Variants in CARMIL1 observed in about 807,000 individuals in gnomAD.
CARMIL1 encodes the protein capping protein regulator and myosin 1 linker 1.
CARMIL1 carries 90 observed loss-of-function variants against 177.1 expected under a neutral mutation model. The observed-to-expected ratio is 0.51, with a 90% CI of 0.43 to 0.61. The LOEUF is 0.61. Among genes scored for constraint, CARMIL1 ranks in the 20% least tolerant of loss-of-function variants. The probability of loss-of-function intolerance (pLI) is 0.00; values close to 1 mark genes in which losing one functional copy is unlikely to be tolerated. For synonymous variants in CARMIL1, 577 were observed against 606.2 expected, an observed-to-expected ratio of 0.95 and a Z score of 0.71; for missense variants, 1,380 against 1,667.0, an observed-to-expected ratio of 0.83 and a Z score of 3.00.
At chr6:25,415,209 C>T (rs1166705114) in intron 2 of CARMIL1, among the ~76,000 whole-genome samples, 1 of 151,888 alleles carries the variant, frequency 6.6e-6, no homozygotes, top group Admixed American at 6.6e-5. Flanking sequence ...GTCACCCAGG[C>T]TGGGGTGCAG....
At chr6:25,584,593 A>G (rs1475198599) in intron 31 of CARMIL1, among the ~76,000 whole-genome samples, 1 of 151,898 alleles carries the variant, frequency 6.6e-6, no homozygotes, top group Admixed American at 6.6e-5. Flanking sequence ...AAACCTTTGT[A>G]TTTTTATGCT....
At chr6:25,443,324 A>G (rs1581960174) in intron 5 of CARMIL1, among the ~76,000 whole-genome samples, 1 of 152,382 alleles carries the variant, frequency 6.6e-6, no homozygotes, top group South Asian at 2.1e-4. Context: ...AAATTGCCAG[A>G]TTCTGTAATA....
At chr6:25,605,805 G>A (rs1815904015) in intron 34 of CARMIL1, among the ~76,000 whole-genome samples, 1 of 152,160 alleles carries the variant, frequency 6.6e-6, no homozygotes, top group Admixed American at 6.5e-5. Flanking sequence ...AAATATAAAA[G>A]CTTGTCATCG....
rs1294965302 is a variant in CARMIL1, at chr6:25,619,813, C to A, written c.*230C>A. The A allele has an allele frequency of 1.1e-5, 3 of 282,774 alleles. No homozygotes were observed. Among genetic ancestry groups the A allele is most frequent in the Admixed American group, 6.6e-5 (1 of 15,090 alleles). The allele number at this position is 282,774 out of a possible 1,614,324, so 17.5% of individuals were successfully genotyped here. ...AATCAAAGCACATTTGTTTGGTCTT[C>A]CTCCAACCCTTTGCATTTGATTTCT... On this transcript the variant is annotated 3_prime_UTR_variant, in exon 37 of 37. Coordinates refer to ENST00000329474, the MANE Select transcript of CARMIL1 (RefSeq NM_017640.6).
chr6:25,452,927 A>ACC (rs1799125852), intron 8 of CARMIL1, among the ~76,000 whole-genome samples: 1 of 152,218 alleles, frequency 6.6e-6, no homozygotes, highest in African/African-American at 2.4e-5. Context: ...TAGAATCAGA[A>ACC]CCATATCAAT....
At chr6:25,472,624 A>G (rs1801189538) in intron 11 of CARMIL1, 103 bp downstream of exon 11, 14 of 906,374 alleles carry the variant, frequency 1.5e-5, no homozygotes, top group South Asian at 1.5e-4. Context: ...AGTTGTAATT[A>G]TAAGTGCTGT....
intron 2 of CARMIL1, among the ~76,000 whole-genome samples, chr6:25,340,682 T>A (rs911457098): frequency 8.0e-5 from 12 of 150,506 alleles, no homozygotes; most frequent in African/African-American, 2.7e-4. Flanking sequence ...ATGAACTACA[T>A]GCTACGAGGG....
At position 25,606,398 on chromosome 6, in the gene CARMIL1, G is replaced by A. The variant is rs576941668; in HGVS notation, c.3847+125G>A. ...GAGGTACAGCGGCTTCTGCAGGAGG[G>A]GATCACAAGAAACCTATGCAAAGCT... On this transcript the variant is annotated intron_variant, in intron 35 of 36. Coordinates refer to ENST00000329474, the MANE Select transcript of CARMIL1 (RefSeq NM_017640.6). 6.3e-6 allele frequency: 5 copies of A among 793,550 alleles called. No individual in the cohort carries two copies. In the African/African-American group the frequency reaches 7.0e-5, roughly 11 times the overall value. 49.2% of individuals were successfully genotyped at this position (793,550 alleles called of 1,614,324 possible). A position where few individuals can be genotyped will look rare whatever the true frequency, so the allele number is the denominator to read the frequency against.
chr6:25,419,176 A>G (rs1381230324), intron 2 of CARMIL1, among the ~76,000 whole-genome samples: 1 of 152,208 alleles, frequency 6.6e-6, no homozygotes, highest in Non-Finnish European at 1.5e-5. Context: ...AACTTTCTAC[A>G]GTTTTGTTCT....
intron 2 of CARMIL1, among the ~76,000 whole-genome samples, chr6:25,297,184 T>A (rs1261210108): frequency 6.6e-6 from 1 of 152,228 alleles, no homozygotes; most frequent in Non-Finnish European, 1.5e-5. Context: ...GGGGAAACAT[T>A]TTGTACAACT....
At chr6:25,392,053 CATGTGTGTGTGTGTGTGTGTGTGTGT>C (rs1792885198) in intron 2 of CARMIL1, among the ~76,000 whole-genome samples, 3 of 107,578 alleles carry the variant, frequency 2.8e-5, no homozygotes, top group East Asian at 2.2e-4. Flanking sequence ...TGTGTATATG[CATGTGTGTGTGTGTGTGTGTGTGTGT>C]GTGTGTGTGT....
At chr6:25,424,128 C>T (rs1401990934) in intron 3 of CARMIL1, among the ~76,000 whole-genome samples, 6 of 152,188 alleles carry the variant, frequency 3.9e-5, no homozygotes, top group African/African-American at 1.2e-4. Flanking sequence ...TAATCACAGA[C>T]TCAGCCAGTC....
chr6:25,393,037 C>T (rs1793034355), intron 2 of CARMIL1, among the ~76,000 whole-genome samples: 1 of 152,050 alleles, frequency 6.6e-6, no homozygotes, highest in African/African-American at 2.4e-5. Context: ...TGGTTTCTTT[C>T]ATGGTGAGAG....
Position 25,539,945 on chromosome 6 carries a change from A to G in CARMIL1, c.2197-2A>G. 2 of 1,573,130 alleles carry G rather than the reference A, an allele frequency of 1.3e-6. No individual in the cohort carries two copies. The highest frequency in any genetic ancestry group is 1.7e-6 in the Non-Finnish European group (2 of 1,164,742). On this transcript the variant is annotated splice_acceptor_variant, in intron 25 of 36. Coordinates refer to ENST00000329474, the MANE Select transcript of CARMIL1 (RefSeq NM_017640.6). LOFTEE classifies it high-confidence loss of function. Reference sequence around the variant, plus strand: ...AGAGGTTATTTTTTATTTCTCTTACAGTTGTTACCAAATTTATACCATGTT... The same window carrying G: ...AGAGGTTATTTTTTATTTCTCTTACGGTTGTTACCAAATTTATACCATGTT...
At chr6:25,601,810 C>T (rs1308199269) in intron 33 of CARMIL1, among the ~76,000 whole-genome samples, 1 of 151,936 alleles carries the variant, frequency 6.6e-6, no homozygotes, top group Non-Finnish European at 1.5e-5. Flanking sequence ...TTCTTTTTAC[C>T]CCTGTTTTCT....
chr6:25,337,494 A>G (rs1169852456), intron 2 of CARMIL1, among the ~76,000 whole-genome samples: 1 of 152,228 alleles, frequency 6.6e-6, no homozygotes, highest in African/African-American at 2.4e-5. Flanking sequence ...TAAAAAATTG[A>G]ATGTCAAGGT....
chr6:25,430,431 G>GTTT (rs34148308), intron 4 of CARMIL1, among the ~76,000 whole-genome samples: 1 of 142,374 alleles, frequency 7.0e-6, no homozygotes, highest in Admixed American at 6.9e-5. Flanking sequence ...CTTTGAGAAG[G>GTTT]TTTTTTTTTT....
At position 25,537,849 on chromosome 6, in the gene CARMIL1, G is replaced by C; in HGVS notation, c.2068-6G>C. 1 of 1,610,480 alleles carries C rather than the reference G, an allele frequency of 6.2e-7. No homozygotes were observed. The highest frequency in any genetic ancestry group is 8.5e-7 in the Non-Finnish European group (1 of 1,178,658). ...TGGATGCTTGCCTTTTTCTGGTTTG[G>C]AGCAGATGATTGACAGAATATGTGT... On this transcript the variant is annotated splice_region_variant and splice_polypyrimidine_tract_variant and intron_variant, in intron 24 of 36. Transcript: ENST00000329474.
intron 31 of CARMIL1, among the ~76,000 whole-genome samples, chr6:25,591,844 G>T: frequency 6.6e-6 from 1 of 152,072 alleles, no homozygotes; most frequent in East Asian, 1.9e-4. Flanking sequence ...GGATCTGTAG[G>T]GGCCAGTCCA....
Sources: allele counts gnomAD v4.1 joint callset (sites outside exome capture counted in the v4.1 genomes callset), GRCh38; gene constraint gnomAD v4.1.1; transcripts MANE v1.5; gene names NCBI Gene and HGNC (gene_info 2026-07-23, HGNC 2026-07-21).